PARD3B: variants seen among roughly 807,000 people sequenced by gnomAD.
PARD3B encodes par-3 family cell polarity regulator beta, also known as partitioning defective 3 homolog B.
PARD3B carries 103 observed loss-of-function variants against 130.2 expected under a neutral mutation model. The ratio of observed to expected loss-of-function variants is 0.79; its 90% CI spans 0.67 to 0.93. PARD3B has a LOEUF of 0.93. Among genes scored for constraint, PARD3B ranks in the 40% least tolerant of loss-of-function variants. PARD3B has a pLI of 0.00. For missense variants in PARD3B, 1,609 were observed against 1,499.2 expected, an observed-to-expected ratio of 1.07 and a Z score of -1.21; for synonymous variants, 583 against 553.2, an observed-to-expected ratio of 1.05 and a Z score of -0.76.
At chr2:205,114,439 C>A (rs887199525) in intron 6 of PARD3B, among the ~76,000 whole-genome samples, 4 of 152,064 alleles carry the variant, frequency 2.6e-5, no homozygotes, top group Non-Finnish European at 4.4e-5. Context: ...TTTTAGTTAA[C>A]TTACTGAATT....
chr2:205,195,939 T>A (rs960139755), intron 15 of PARD3B, among the ~76,000 whole-genome samples: 5 of 152,298 alleles, frequency 3.3e-5, no homozygotes, highest in Admixed American at 2.6e-4. Context: ...AGTAGCCTTG[T>A]TTTTGTTTCA....
chr2:205,285,700 T>C (rs1574598087), intron 16 of PARD3B, among the ~76,000 whole-genome samples: 1 of 152,178 alleles, frequency 6.6e-6, no homozygotes, highest in African/African-American at 2.4e-5. Flanking sequence ...GCTGCTCATA[T>C]TCCAAGGATC....
In PARD3B at chr2:205,421,488, G is replaced by A. The variant is rs2046972372; in HGVS notation, c.2742-18882G>A. Among the ~76,000 whole-genome samples the A allele has an allele frequency of 6.6e-6, 1 of 152,072 alleles. No homozygotes were observed. Among genetic ancestry groups the A allele is most frequent in the Non-Finnish European group, 1.5e-5 (1 of 68,026 alleles). Reference sequence around the variant, plus strand: ...CAGAATTTGTTTTTTCTCTTCATATGTTATAGGGTCTGAGGTTTCATCTTT... The same window carrying A: ...CAGAATTTGTTTTTTCTCTTCATATATTATAGGGTCTGAGGTTTCATCTTT... On this transcript the variant is annotated intron_variant, in intron 19 of 22. Transcript: ENST00000406610. The surrounding 1 kb of genome is among the most constrained non-coding windows in gnomAD (Gnocchi z 5.1).
intron 18 of PARD3B, among the ~76,000 whole-genome samples, chr2:205,307,712 T>C (rs1304822678): frequency 2.6e-5 from 4 of 152,164 alleles, no homozygotes; most frequent in African/African-American, 9.7e-5. Flanking sequence ...AACCCAGAGA[T>C]TAGTTTCTGA....
chr2:204,858,751 A>G (rs1341480301), intron 2 of PARD3B, among the ~76,000 whole-genome samples: 4 of 148,510 alleles, frequency 2.7e-5, no homozygotes, highest in Non-Finnish European at 5.9e-5. Flanking sequence ...TTTACTGTAT[A>G]TATAGGTGTA....
intron 10 of PARD3B, among the ~76,000 whole-genome samples, chr2:205,153,963 T>A (rs1270220552): frequency 6.6e-6 from 1 of 152,128 alleles, no homozygotes; most frequent in Admixed American, 6.5e-5. Context: ...ACCTACGCAA[T>A]ATCATTCAGG....
chr2:205,504,264 A>G (rs965538532), intron 21 of PARD3B, among the ~76,000 whole-genome samples: 2 of 152,216 alleles, frequency 1.3e-5, no homozygotes, highest in Non-Finnish European at 2.9e-5. Flanking sequence ...AAAGACTTAA[A>G]TGTTAGTCCT....
chr2:205,408,762 A>G (rs772139903), intron 19 of PARD3B, among the ~76,000 whole-genome samples: 4 of 152,170 alleles, frequency 2.6e-5, no homozygotes, highest in Non-Finnish European at 4.4e-5. Context: ...GCATGATTAC[A>G]TACACATGAT....
intron 2 of PARD3B, among the ~76,000 whole-genome samples, chr2:204,710,331 T>A (rs1159849952): frequency 1.3e-5 from 2 of 152,198 alleles, no homozygotes; most frequent in Non-Finnish European, 2.9e-5. Context: ...ATATTCTGAA[T>A]GGAGGGAAAA....
intron 2 of PARD3B, among the ~76,000 whole-genome samples, chr2:204,802,415 T>C (rs1293214625): frequency 6.6e-6 from 1 of 152,156 alleles, no homozygotes; most frequent in Admixed American, 6.5e-5. Context: ...AGCTCAACCA[T>C]TGTGGAAGAC....
chr2:205,395,664 C>G (rs1447695163), intron 18 of PARD3B, among the ~76,000 whole-genome samples: 1 of 152,190 alleles, frequency 6.6e-6, no homozygotes, highest in Non-Finnish European at 1.5e-5. Flanking sequence ...ATCTTCTCTT[C>G]TCAATGGCCA....
intron 1 of PARD3B, among the ~76,000 whole-genome samples, chr2:204,585,206 T>G (rs1162283889): frequency 6.6e-6 from 1 of 152,192 alleles, no homozygotes; most frequent in Non-Finnish European, 1.5e-5. Flanking sequence ...GGAAGTGTGG[T>G]TTCCTTCAGG....
intron 2 of PARD3B, among the ~76,000 whole-genome samples, chr2:204,855,692 CT>C (rs2044905472): frequency 6.6e-6 from 1 of 151,936 alleles, no homozygotes; most frequent in Non-Finnish European, 1.5e-5. Flanking sequence ...CAACATTTCC[CT>C]TTCCCCCATT....
chr2:205,156,828 A>T (rs953444819), intron 10 of PARD3B, among the ~76,000 whole-genome samples: 9 of 152,308 alleles, frequency 5.9e-5, no homozygotes, highest in Non-Finnish European at 8.8e-5. Context: ...CTTAAAAAAA[A>T]TTTTCAAAAG....
At chr2:204,910,340 CTG>C (rs1260401816) in intron 2 of PARD3B, among the ~76,000 whole-genome samples, 1 of 152,064 alleles carries the variant, frequency 6.6e-6, no homozygotes, top group Admixed American at 6.5e-5. Flanking sequence ...AAAGAACAGA[CTG>C]TTTTTTGTAG....
intron 10 of PARD3B, among the ~76,000 whole-genome samples, chr2:205,155,803 G>A (rs1047716626): frequency 2.0e-5 from 3 of 152,082 alleles, no homozygotes; most frequent in Admixed American, 2.0e-4. Flanking sequence ...GCCAGTGATG[G>A]TGAGCATTTT....
chr2:205,338,378 T>G (rs1408384559), intron 18 of PARD3B, among the ~76,000 whole-genome samples: 1 of 152,182 alleles, frequency 6.6e-6, no homozygotes, highest in Non-Finnish European at 1.5e-5. Flanking sequence ...TCTTTAATAT[T>G]ACTTTCATTT....
intron 18 of PARD3B, among the ~76,000 whole-genome samples, chr2:205,369,546 T>C (rs147294607): frequency 1.9e-4 from 29 of 152,354 alleles, no homozygotes; most frequent in African/African-American, 7.0e-4. Context: ...CTTCAACTTG[T>C]TCTCCACTTG....
chr2:205,191,145 A>G (rs2036378076), intron 14 of PARD3B, among the ~76,000 whole-genome samples: 1 of 152,050 alleles, frequency 6.6e-6, no homozygotes, highest in Admixed American at 6.5e-5. Flanking sequence ...TTTTATGAAA[A>G]CATGTGAAAT....
Sources: allele counts gnomAD v4.1 joint callset (sites outside exome capture counted in the v4.1 genomes callset), GRCh38; gene constraint gnomAD v4.1.1; non-coding constraint Gnocchi (gnomAD v3.1); transcripts MANE v1.5; gene names NCBI Gene and HGNC (gene_info 2026-07-23, HGNC 2026-07-21).